GPC5: variants seen among roughly 807,000 people sequenced by gnomAD.
The protein encoded by GPC5 is glypican 5, also known as glypican-5.
GPC5 carries 47 observed loss-of-function variants against 53.9 expected under a neutral mutation model. That is an observed-to-expected ratio of 0.87 (90% CI 0.69 to 1.11). The LOEUF is 1.11. Among genes scored for constraint, GPC5 ranks in the 50% most tolerant of loss-of-function variants. GPC5 has a pLI of 0.00. For missense variants in GPC5, 748 were observed against 713.1 expected (o/e 1.05, Z -0.56); for synonymous variants, 286 against 263.3 (o/e 1.09, Z -0.84).
At chr13:92,759,550 T>C (rs1875072013) in intron 7 of GPC5, among the ~76,000 whole-genome samples, 1 of 152,122 alleles carries the variant, frequency 6.6e-6, no homozygotes, top group African/African-American at 2.4e-5. Flanking sequence ...CATAGATTTT[T>C]ATATGTTGAT....
At chr13:92,039,550 G>C (rs1330096443) in intron 6 of GPC5, among the ~76,000 whole-genome samples, 1 of 152,216 alleles carries the variant, frequency 6.6e-6, no homozygotes, top group African/African-American at 2.4e-5. Flanking sequence ...GTTTCACTAA[G>C]ATCAGCAAAA....
chr13:91,969,314 G>T (rs9583976), intron 6 of GPC5, among the ~76,000 whole-genome samples: 4,453 of 152,128 alleles, frequency 0.029, 202 homozygotes, highest in African/African-American at 0.1. Flanking sequence ...TTTAAAATTT[G>T]CTAATAGCAT....
intron 7 of GPC5, among the ~76,000 whole-genome samples, chr13:92,545,880 C>A (rs1882092646): frequency 6.6e-6 from 1 of 152,108 alleles, no homozygotes; most frequent in Admixed American, 6.6e-5. Context: ...TGCCTGTTCA[C>A]TCTGATGGTA....
intron 1 of GPC5, among the ~76,000 whole-genome samples, chr13:91,440,198 TGCCTCTGG>T (rs1437318531): frequency 1.3e-5 from 2 of 152,200 alleles, no homozygotes; most frequent in Non-Finnish European, 2.9e-5. Flanking sequence ...TCTCTCTTCT[TGCCTCTGG>T]GACTCCAATC....
At chr13:92,450,937 A>T (rs954478664) in intron 7 of GPC5, among the ~76,000 whole-genome samples, 1 of 152,192 alleles carries the variant, frequency 6.6e-6, no homozygotes, top group African/African-American at 2.4e-5. Context: ...AGAAAGGTAA[A>T]GGTTTTAGCC....
intron 7 of GPC5, among the ~76,000 whole-genome samples, chr13:92,734,521 C>A (rs1038796183): frequency 6.6e-6 from 1 of 151,712 alleles, no homozygotes. Context: ...TGAAAAATAA[C>A]AATTATGAAT....
At chr13:92,070,609 CTT>C (rs1173033812) in intron 6 of GPC5, among the ~76,000 whole-genome samples, 3 of 152,140 alleles carry the variant, frequency 2.0e-5, no homozygotes, top group Admixed American at 6.5e-5. Flanking sequence ...TAAACTAACA[CTT>C]TTTTTATTTT....
At chr13:92,826,501 C>A (rs1877852302) in intron 7 of GPC5, among the ~76,000 whole-genome samples, 1 of 152,214 alleles carries the variant, frequency 6.6e-6, no homozygotes, top group African/African-American at 2.4e-5. Context: ...AGACTTCTGA[C>A]CCACACAAAC....
intron 7 of GPC5, among the ~76,000 whole-genome samples, chr13:92,300,088 A>G (rs2043065316): frequency 6.6e-6 from 1 of 152,184 alleles, no homozygotes; most frequent in Non-Finnish European, 1.5e-5. Context: ...GAAACCACAT[A>G]AAGTTGAAAC....
chr13:91,857,650 A>G (rs1358463372), intron 5 of GPC5, among the ~76,000 whole-genome samples: 1 of 150,798 alleles, frequency 6.6e-6, no homozygotes, highest in African/African-American at 2.4e-5. Context: ...ACCTCAGTAC[A>G]TTAAATATAA....
intron 7 of GPC5, among the ~76,000 whole-genome samples, chr13:92,345,596 A>T (rs2043404577): frequency 6.6e-6 from 1 of 152,200 alleles, no homozygotes; most frequent in Non-Finnish European, 1.5e-5. Flanking sequence ...CATTTGTGGA[A>T]CTGAATGAAA....
At chr13:92,325,131 C>CACACAT (rs59306069) in intron 7 of GPC5, among the ~76,000 whole-genome samples, 1 of 150,666 alleles carries the variant, frequency 6.6e-6, no homozygotes, top group East Asian at 1.9e-4. Context: ...CACACACACA[C>CACACAT]GTAGGTATAT....
At chr13:92,736,119 C>G (rs1888928034) in intron 7 of GPC5, among the ~76,000 whole-genome samples, 1 of 151,964 alleles carries the variant, frequency 6.6e-6, no homozygotes, top group African/African-American at 2.4e-5. Flanking sequence ...TCCAGACATT[C>G]TTTCTGATTT....
At chr13:91,638,778 AC>A (rs1257622235) in intron 2 of GPC5, among the ~76,000 whole-genome samples, 3 of 152,216 alleles carry the variant, frequency 2.0e-5, no homozygotes, top group African/African-American at 7.2e-5. Context: ...GAAATAATAT[AC>A]CCCAAATGAG....
intron 2 of GPC5, among the ~76,000 whole-genome samples, chr13:91,547,456 T>C (rs1258273504): frequency 6.6e-6 from 1 of 151,938 alleles, no homozygotes; most frequent in African/African-American, 2.4e-5. Flanking sequence ...TGAAAAGAAG[T>C]AGACAACCTG....
At chr13:91,628,661 G>C (rs2034075868) in intron 2 of GPC5, among the ~76,000 whole-genome samples, 1 of 152,130 alleles carries the variant, frequency 6.6e-6, no homozygotes. Flanking sequence ...GCAGTTTTAT[G>C]ATAACTTTTA....
chr13:91,740,989 C>T (rs115616785), intron 4 of GPC5, among the ~76,000 whole-genome samples: 3,853 of 152,216 alleles, frequency 0.025, 170 homozygotes, highest in African/African-American at 0.088. Flanking sequence ...ACCAGTGCCC[C>T]ATCTGTTCTC....
At chr13:91,527,788 C>G (rs761944397) in intron 2 of GPC5, among the ~76,000 whole-genome samples, 3 of 152,242 alleles carry the variant, frequency 2.0e-5, no homozygotes, top group Non-Finnish European at 4.4e-5. Flanking sequence ...CAACTCTTAT[C>G]TTCTGCACAC....
intron 7 of GPC5, among the ~76,000 whole-genome samples, chr13:92,388,349 C>T (rs188818682): frequency 6.6e-6 from 1 of 152,132 alleles, no homozygotes; most frequent in East Asian, 1.9e-4. Flanking sequence ...TATTACCTTA[C>T]TGTAATCTCT....
Sources: gnomAD v4.1 joint callset for allele counts (sites outside exome capture counted in the v4.1 genomes callset) on GRCh38, gnomAD v4.1.1 for gene constraint, MANE v1.5 for transcripts, NCBI Gene and HGNC (gene_info 2026-07-23, HGNC 2026-07-21) for gene names.